The following DIP2B variants were observed in gnomAD, a reference collection of about 807,000 sequenced individuals.
The protein encoded by DIP2B is disco-interacting protein 2 homolog B.
DIP2B carries 76 observed loss-of-function variants against 198.0 expected under a neutral mutation model. The ratio of observed to expected loss-of-function variants is 0.38; its 90% CI spans 0.32 to 0.46. DIP2B has a LOEUF of 0.46. Among genes scored for constraint, DIP2B ranks in the 20% least tolerant of loss-of-function variants. The pLI is 0.99. For missense variants in DIP2B, 1,559 were observed against 1,978.4 expected (o/e 0.79, Z 4.02); for synonymous variants, 701 against 739.1 (o/e 0.95, Z 0.84).
At position 50,591,946 on chromosome 12, in the gene DIP2B, T is replaced by G. The variant is rs566111032; in HGVS notation, c.101-34030T>G. Among the ~76,000 whole-genome samples the G allele has an allele frequency of 1.7e-3, 251 of 151,744 alleles. 1 individual carries two copies. The highest frequency in any genetic ancestry group is 6.8e-3 in the Middle Eastern group (2 of 294). The stretch of plus-strand genomic sequence containing the variant: ...AGGCTAGAGTGCAGTGGTGCGATCT[T>G]GGCTCACTGTAACCTCTGCCTCCCG... On this transcript the variant is annotated intron_variant, in intron 1 of 37. Transcript: ENST00000301180.
chr12:50,618,830 G>T (rs1937750474), intron 1 of DIP2B, among the ~76,000 whole-genome samples: 1 of 152,140 alleles, frequency 6.6e-6, no homozygotes, highest in Non-Finnish European at 1.5e-5. Context: ...TTCTTATCGA[G>T]TATTATAATT....
rs1007594488 is a variant in DIP2B at position 50,748,639 on chromosome 12, A to G, written c.*3800A>G. ...GAATGTGTTTCCTTTGTCTTGTGTT[A>G]ATAAATATTGATGCCTGATTCTGTT... On this transcript the variant is annotated 3_prime_UTR_variant, in exon 38 of 38. Transcript: ENST00000301180. The G allele has an allele frequency of 4.6e-5, 7 of 152,636 alleles. 1 individual carries two copies. The highest frequency in any genetic ancestry group is 3.2e-3 in the Middle Eastern group (1 of 316). The allele number at this position is 152,636 out of a possible 1,614,324, so 9.5% of individuals were successfully genotyped here. A position where few individuals can be genotyped will look rare whatever the true frequency, so the allele number is the denominator to read the frequency against.
intron 1 of DIP2B, among the ~76,000 whole-genome samples, chr12:50,589,352 G>A (rs940883336): frequency 2.1e-4 from 32 of 149,906 alleles, no homozygotes; most frequent in Non-Finnish European, 1.0e-4. Flanking sequence ...ACGCCACCAC[G>A]CCCAGCTAAT....
chr12:50,552,090 A>AG lies in DIP2B; in HGVS notation c.100+46851dup, dbSNP rs1958431695. On this transcript the variant is annotated intron_variant, in intron 1 of 37. Transcript: ENST00000301180. ...GTTATTACTTGTTGTTTTTTAAAAT[A>AG]GATATCCTAATGGTGTGAGGCGATG... 2.6e-5 allele frequency among the ~76,000 whole-genome samples: 4 copies of AG among 152,252 alleles called. No homozygotes were observed. The South Asian group carries it at 8.3e-4, about 32-fold the overall frequency.
rs1940334416 is a variant in DIP2B at position 50,745,879 on chromosome 12, C to T, written c.*1040C>T. The T allele has an allele frequency of 6.6e-6, 1 of 152,160 alleles. No homozygotes were observed. Among genetic ancestry groups the T allele is most frequent in the East Asian group, 1.9e-4 (1 of 5,200 alleles). The allele number at this position is 152,160 out of a possible 1,614,324, so 9.4% of individuals were successfully genotyped here. A position where few individuals can be genotyped will look rare whatever the true frequency, so the allele number is the denominator to read the frequency against. On this transcript the variant is annotated 3_prime_UTR_variant, in exon 38 of 38. Transcript: ENST00000301180. ...TTGTAAACTGTGTCTACAGTTTATC[C>T]ATATAACTTCTCTTCTGAAAACTGA...
chr12:50,544,624 CTTTTTTT>C lies in DIP2B; in HGVS notation c.100+39395_100+39401del, dbSNP rs66562074. On this transcript the variant is annotated intron_variant, in intron 1 of 37. Coordinates refer to ENST00000301180, the MANE Select transcript of DIP2B (RefSeq NM_173602.3). ...CCTGGCCTCAGATAACTTTCTTTTT[CTTTTTTT>C]TTTTTTTTTTGAGACGGAGTCTGTC... Among the ~76,000 whole-genome samples the C allele has an allele frequency of 1.6e-3, 216 of 137,016 alleles. 2 individuals are homozygous for C. Among genetic ancestry groups the C allele is most frequent in the African/African-American group, 5.2e-3 (187 of 35,988 alleles). 89.9% of individuals were successfully genotyped at this position (137,016 alleles called of 152,430 possible).
At chr12:50,631,288 C>T (rs1593670817) in intron 2 of DIP2B, among the ~76,000 whole-genome samples, 1 of 151,632 alleles carries the variant, frequency 6.6e-6, no homozygotes, top group African/African-American at 2.4e-5. Flanking sequence ...GTGCAGTGGC[C>T]CAGACTTGGC....
At chr12:50,527,037 C>G (rs1235684034) in intron 1 of DIP2B, among the ~76,000 whole-genome samples, 1 of 152,106 alleles carries the variant, frequency 6.6e-6, no homozygotes, top group African/African-American at 2.4e-5. Flanking sequence ...GTAATAAAAC[C>G]AAAATCAGTT....
At position 50,583,213 on chromosome 12, in the gene DIP2B, T is replaced by G. The variant is rs537668011; in HGVS notation, c.101-42763T>G. On this transcript the variant is annotated intron_variant, in intron 1 of 37. Transcript: ENST00000301180. The stretch of plus-strand genomic sequence containing the variant: ...ACCCACACACATGTCCTTTATTCTC[T>G]TAGCCAATGGCCTTGTTTCATGCTT... Among the ~76,000 whole-genome samples, 7 of 152,312 alleles carry G rather than the reference T, an allele frequency of 4.6e-5. No homozygotes were observed. In the East Asian group the frequency reaches 1.3e-3, roughly 29 times the overall value.
intron 1 of DIP2B, among the ~76,000 whole-genome samples, chr12:50,542,603 C>T (rs1291699310): frequency 6.6e-6 from 1 of 152,168 alleles, no homozygotes; most frequent in Non-Finnish European, 1.5e-5. Context: ...GCAACCACAC[C>T]TAGAAACCTT....
chr12:50,604,965 G>A (rs375557832), intron 1 of DIP2B, among the ~76,000 whole-genome samples: 1 of 152,084 alleles, frequency 6.6e-6, no homozygotes, highest in African/African-American at 2.4e-5. Flanking sequence ...AGATGCACAG[G>A]AGATAAGATA....
intron 4 of DIP2B, 117 bp from the exon 5 acceptor site, chr12:50,671,069 C>T: frequency 2.1e-6 from 2 of 964,546 alleles, no homozygotes; most frequent in Non-Finnish European, 1.5e-6. Flanking sequence ...ATTAATCTAC[C>T]TTAAGAATGC....
intron 8 of DIP2B, 29 bp downstream of exon 8, chr12:50,678,905 C>G: frequency 6.2e-7 from 1 of 1,612,560 alleles, no homozygotes; most frequent in East Asian, 2.2e-5. Flanking sequence ...AGATCCTTCT[C>G]TCCTGAGAGT....
intron 9 of DIP2B, 111 bp downstream of exon 9, chr12:50,680,874 T>C: frequency 9.7e-7 from 1 of 1,025,718 alleles, no homozygotes; most frequent in Non-Finnish European, 1.5e-6. Context: ...ATGTAACTCT[T>C]ATTTTTGGAA....
intron 1 of DIP2B, among the ~76,000 whole-genome samples, chr12:50,585,657 C>T (rs1958764057): frequency 6.6e-6 from 1 of 152,144 alleles, no homozygotes; most frequent in South Asian, 2.1e-4. Flanking sequence ...AGTCAGATCA[C>T]TTAAGGCTTC....
At chr12:50,640,971 T>C in intron 3 of DIP2B, 119 bp downstream of exon 3, 1 of 1,211,842 alleles carries the variant, frequency 8.3e-7, no homozygotes, top group Non-Finnish European at 1.1e-6. Flanking sequence ...AACAGTTTTA[T>C]ATTAACTCAT....
intron 1 of DIP2B, among the ~76,000 whole-genome samples, chr12:50,534,848 C>G (rs759152149): frequency 6.6e-6 from 1 of 152,158 alleles, no homozygotes; most frequent in Non-Finnish European, 1.5e-5. Flanking sequence ...ATGAGAGAAT[C>G]TAGTTCTTCC....
At chr12:50,637,332 T>C (rs1938178528) in intron 2 of DIP2B, among the ~76,000 whole-genome samples, 1 of 152,218 alleles carries the variant, frequency 6.6e-6, no homozygotes. Context: ...GCCACTTTTC[T>C]AGTCCAGTCT....
chr12:50,698,527 G>A, intron 18 of DIP2B, 60 bp downstream of exon 18: 1 of 1,562,816 alleles, frequency 6.4e-7, no homozygotes, highest in Non-Finnish European at 8.7e-7. Context: ...AGATAATAGA[G>A]CCTGATAAAA....
Sources: gnomAD v4.1 joint callset for allele counts (sites outside exome capture counted in the v4.1 genomes callset) on GRCh38, gnomAD v4.1.1 for gene constraint, MANE v1.5 for transcripts, NCBI Gene and HGNC (gene_info 2026-07-23, HGNC 2026-07-21) for gene names.